The following CARMIL3 variants were observed in gnomAD, a reference collection of about 807,000 sequenced individuals.
CARMIL3 encodes the protein capping protein, Arp2/3 and myosin-I linker protein 3.
In CARMIL3, 88 loss-of-function variants were observed where a neutral mutation model predicts 180.8. The ratio of observed to expected loss-of-function variants is 0.49; its 90% CI spans 0.41 to 0.58. The LOEUF is 0.58. CARMIL3 is among the 20% of genes least tolerant of loss of function. The pLI, the probability that CARMIL3 is intolerant of heterozygous loss-of-function variation, is 0.00. For synonymous variants in CARMIL3, 696 were observed against 714.5 expected (o/e 0.97, Z 0.41); for missense variants, 1,548 against 1,787.0 (o/e 0.87, Z 2.41).
In CARMIL3 at chr14:24,063,429, G is replaced by A. The variant is rs550080771; in HGVS notation, c.2875G>A (p.Glu959Lys). The change falls in exon 31 of 40, where the codon GAA becomes AAA. Residue 959 changes from glutamate to lysine, a missense_variant. Physicochemically the swap from Glu to Lys is moderately conservative, Grantham distance 56 (BLOSUM62 1). Coordinates refer to ENST00000342740, the MANE Select transcript of CARMIL3 (RefSeq NM_138360.4). ...GSQPTASGSW[E>K]GLSELPTHGY... ...CCAGCCCACAGCTAGTGGCTCCTGG[G>A]AAGGTCTATCTGAGCTGCCCACTCA... 5.6e-5 allele frequency: 91 copies of A among 1,613,840 alleles called. No homozygotes were observed. The highest frequency in any genetic ancestry group is 7.5e-5 in the Non-Finnish European group (89 of 1,180,032).
rs780125269 is a variant in CARMIL3 at position 24,061,555 on chromosome 14, T to C, written c.2363T>C (p.Val788Ala). Residue 788 changes from valine (V) to alanine (A), a missense_variant, in exon 27 of 40, where the codon GTG (valine) becomes GCG (alanine). Val to Ala is a moderately conservative substitution (Grantham distance 64, BLOSUM62 0). This residue lies in a region of CARMIL3 where 297 missense variants were observed against 415.9 expected (regional missense o/e 0.71). Transcript: ENST00000342740. The surrounding 1 kb of genome is among the most constrained non-coding windows in gnomAD (Gnocchi z 4.1). ...TQELCPVAMR[V>A]AEGHNKMLSN... is the part of the protein sequence containing the mutation. ...GAGTTATGCCCTGTGGCCATGCGGGTGGCCGAGGGACACAACAAGATGCTG... is the reference window on the plus strand; with the variant it reads ...GAGTTATGCCCTGTGGCCATGCGGGCGGCCGAGGGACACAACAAGATGCTG... 1.9e-6 allele frequency: 3 copies of C among 1,613,750 alleles called. No individual in the cohort carries two copies. The African/African-American group carries it at 4.0e-5, about 22-fold the overall frequency.
chr14:24,057,062 CA>C, intron 13 of CARMIL3, 38 bp downstream of exon 13: 5 of 1,603,138 alleles, frequency 3.1e-6, no homozygotes, highest in Non-Finnish European at 4.3e-6. Flanking sequence ...CTGCAGAAAG[CA>C]TGCTTAAGCT....
intron 36 of CARMIL3, 73 bp from the exon 37 acceptor site, chr14:24,068,511 G>A: frequency 7.3e-7 from 1 of 1,370,866 alleles, no homozygotes; most frequent in East Asian, 2.4e-5. Context: ...GGGCTTCAGT[G>A]GAGAGAGGAG....
intron 36 of CARMIL3, among the ~76,000 whole-genome samples, chr14:24,067,558 TC>T (rs1205791573): frequency 1.2e-4 from 18 of 152,218 alleles, no homozygotes; most frequent in Non-Finnish European, 7.3e-5. Context: ...TGCCCCTCTC[TC>T]CCCTGTAGTG....
chr14:24,052,408 C>T (rs974005066), intron 1 of CARMIL3, among the ~76,000 whole-genome samples: 1 of 152,336 alleles, frequency 6.6e-6, no homozygotes, highest in South Asian at 2.1e-4. Flanking sequence ...CTTCCTGTCC[C>T]GGAGCCGCCC....
At position 24,061,581 on chromosome 14, in the gene CARMIL3, A is replaced by G; in HGVS notation, c.2389A>G (p.Ser797Gly). 2 of 1,613,956 alleles carry G rather than the reference A, an allele frequency of 1.2e-6. No individual in the cohort carries two copies. Among genetic ancestry groups the G allele is most frequent in the Non-Finnish European group, 1.7e-6 (2 of 1,179,978 alleles). ...RVAEGHNKML[S>G]NVAERVTVPR... ...GGCCGAGGGACACAACAAGATGCTG[A>G]GCAATGTGGCGGAGCGTGTCACTGT... The change falls in exon 27 of 40, where the codon AGC becomes GGC. Residue 797 changes from serine to glycine, a missense_variant. Physicochemically the swap from Ser to Gly is moderately conservative, Grantham distance 56 (BLOSUM62 0). This residue lies in a region of CARMIL3 where 297 missense variants were observed against 415.9 expected (regional missense o/e 0.71). Transcript: ENST00000342740. The surrounding 1 kb of genome is among the most constrained non-coding windows in gnomAD (Gnocchi z 4.1).
In CARMIL3 at chr14:24,054,786, A is replaced by G. The variant is rs1012224871; in HGVS notation, c.438A>G (p.Thr146=). Residue 146 remains threonine, a synonymous_variant, in exon 6 of 40, where the codon ACA becomes ACG. Coordinates refer to ENST00000342740, the MANE Select transcript of CARMIL3 (RefSeq NM_138360.4). The surrounding 1 kb of genome is among the most constrained non-coding windows in gnomAD (Gnocchi z 5.1). ...RDTSPNSETS[T]STTHSVCGGF... is the part of the protein sequence containing the mutation. ...CATCCCCCAACTCTGAGACTTCCAC[A>G]TCTACCACCCACAGTGTCTGCGGTG... 6 of 1,613,966 alleles carry G rather than the reference A, an allele frequency of 3.7e-6. No individual in the cohort carries two copies. The highest frequency in any genetic ancestry group is 1.7e-5 in the Admixed American group (1 of 60,004).
rs2035691986 is a variant in CARMIL3, at chr14:24,058,053, G to A, written c.1311G>A (p.Leu437=). 1 of 1,613,760 alleles carries A rather than the reference G, an allele frequency of 6.2e-7. No homozygotes were observed. Among genetic ancestry groups the A allele is most frequent in the South Asian group, 1.1e-5 (1 of 91,090 alleles). The change falls in exon 16 of 40, where the codon CTG becomes CTA. Residue 437 remains leucine (L), a synonymous_variant. Coordinates refer to ENST00000342740, the MANE Select transcript of CARMIL3 (RefSeq NM_138360.4). This position sits in a 1 kb window ranked among gnomAD's most constrained non-coding sequence, Gnocchi z 6.4. ...ATCTGTCGGCCACAAAGCTGCCCCT[G>A]GAGGCCCTCAGGTCGGGTGGGTGCA... ...HVNLSATKLP[L]EALRALLQGL...
At position 24,056,380 on chromosome 14, in the gene CARMIL3, C is replaced by T. The variant is rs2035672021; in HGVS notation, c.852C>T (p.Pro284=). 6.2e-7 allele frequency: 1 copy of T among 1,613,514 alleles called. No individual in the cohort carries two copies. The highest frequency in any genetic ancestry group is 8.5e-7 in the Non-Finnish European group (1 of 1,179,616). ...VLHALTLSHN[P]IEDKGFLSLS... Reference sequence around the variant, plus strand: ...ATGCCCTCACTCTGTCCCACAACCCCATCGAGGACAAGGGTGAGCCCCAGC... The same window carrying T: ...ATGCCCTCACTCTGTCCCACAACCCTATCGAGGACAAGGGTGAGCCCCAGC... Residue 284 remains proline (P), a synonymous_variant, in exon 11 of 40, where the codon CCC becomes CCT. Transcript: ENST00000342740.
chr14:24,069,578 G>T lies in CARMIL3; in HGVS notation c.*174G>T. 1.4e-6 allele frequency: 1 copy of T among 740,154 alleles called. No individual in the cohort carries two copies. The highest frequency in any genetic ancestry group is 1.9e-5 in the South Asian group (1 of 54,042). 45.8% of individuals were successfully genotyped at this position (740,154 alleles called of 1,614,324 possible). On this transcript the variant is annotated 3_prime_UTR_variant, in exon 40 of 40. Transcript: ENST00000342740. ...ACTAGAACAGAGGGAGCCACCTGGA[G>T]AGACGGAGGCTGTCAGTGCCTGCCT...
Position 24,058,597 on chromosome 14 carries a change from G to A in CARMIL3, c.1393-83G>A. On this transcript the variant is annotated intron_variant, in intron 17 of 39. Transcript: ENST00000342740. The surrounding 1 kb of genome is among the most constrained non-coding windows in gnomAD (Gnocchi z 6.4). ...GATCCTGGCATGACTTTGAGTTCTGGTGTGACTACTATATCCTAAGCATTA... is the reference window on the plus strand; with the variant it reads ...GATCCTGGCATGACTTTGAGTTCTGATGTGACTACTATATCCTAAGCATTA... The A allele has an allele frequency of 9.2e-7, 1 of 1,081,528 alleles. No homozygotes were observed. Among genetic ancestry groups the A allele is most frequent in the Non-Finnish European group, 1.4e-6 (1 of 731,522 alleles). 67.0% of individuals were successfully genotyped at this position (1,081,528 alleles called of 1,614,324 possible).
In CARMIL3 at chr14:24,054,210, T is replaced by C. The variant is rs554048627; in HGVS notation, c.187-32T>C. On this transcript the variant is annotated intron_variant, in intron 3 of 39. Coordinates refer to ENST00000342740, the MANE Select transcript of CARMIL3 (RefSeq NM_138360.4). The surrounding 1 kb of genome is among the most constrained non-coding windows in gnomAD (Gnocchi z 5.1). ...TCCCAAGCCTGGCAACCCAGGTCCT[T>C]ACCAGGAGCTGAGCATCTCCATCCC... The C allele has an allele frequency of 6.2e-7, 1 of 1,614,054 alleles. No individual in the cohort carries two copies. The highest frequency in any genetic ancestry group is 2.2e-5 in the East Asian group (1 of 44,872).
intron 33 of CARMIL3, 42 bp downstream of exon 33, chr14:24,065,315 C>T: frequency 3.4e-6 from 5 of 1,454,604 alleles, no homozygotes; most frequent in Non-Finnish European, 4.5e-6. Context: ...CTTTTCCTGC[C>T]CCACACTTAA....
At chr14:24,055,351 A>G in intron 8 of CARMIL3, 41 bp downstream of exon 8, 1 of 1,607,610 alleles carries the variant, frequency 6.2e-7, no homozygotes, top group Non-Finnish European at 8.5e-7. Flanking sequence ...AAATTCCCAA[A>G]TTCAGCCCAA....
chr14:24,057,177 G>A lies in CARMIL3; in HGVS notation c.1073G>A (p.Ser358Asn), dbSNP rs376602425. The change falls in exon 14 of 40, where the codon AGT (serine) becomes AAT (asparagine). Residue 358 changes from serine to asparagine, a missense_variant. Physicochemically the swap from Ser to Asn is conservative, Grantham distance 46. This residue lies in a region of CARMIL3 where 578 missense variants were observed against 666.5 expected (regional missense o/e 0.87). Transcript: ENST00000342740. ...TCCTTCCTACTCCAGGCCCTCTACAGTTTCCTGGCCCAACCCAACGCCCTG... is the reference window on the plus strand; with the variant it reads ...TCCTTCCTACTCCAGGCCCTCTACAATTTCCTGGCCCAACCCAACGCCCTG... ...LATDEANALY[S>N]FLAQPNALVH... 96 of 1,613,876 alleles carry A rather than the reference G, an allele frequency of 5.9e-5. 1 individual carries two copies. The highest frequency in any genetic ancestry group is 3.3e-4 in the Middle Eastern group (2 of 6,082).
In CARMIL3 at chr14:24,057,862, C is replaced by T; in HGVS notation, c.1200C>T (p.Arg400=). The change falls in exon 15 of 40, where the codon CGC becomes CGT. Residue 400 remains arginine, a synonymous_variant. Transcript: ENST00000342740. Reference sequence around the variant, plus strand: ...ACCTCACCTACCTCAACCTGGCTCGCAACAGCTGCTCCCACAGGTGGGAGA... The same window carrying T: ...ACCTCACCTACCTCAACCTGGCTCGTAACAGCTGCTCCCACAGGTGGGAGA... ...CSHLTYLNLA[R]NSCSHRKGRE... 6.2e-7 allele frequency: 1 copy of T among 1,612,826 alleles called. No homozygotes were observed. The highest frequency in any genetic ancestry group is 8.5e-7 in the Non-Finnish European group (1 of 1,179,928).
chr14:24,054,711 G>A lies in CARMIL3; in HGVS notation c.363G>A (p.Gly121=), dbSNP rs755206061. 6.2e-7 allele frequency: 1 copy of A among 1,613,486 alleles called. No individual in the cohort carries two copies. The highest frequency in any genetic ancestry group is 1.1e-5 in the South Asian group (1 of 90,992). The part of the protein sequence containing the change: ...SALSKVCPGP[G]CLIRRGNADT... ...CTGGAATGACTTGTTTCTTTTCCAG[G>A]TGTTTGATCCGGCGTGGAAACGCAG... Residue 121 remains glycine, a splice_region_variant and synonymous_variant, in exon 6 of 40, where the codon GGG becomes GGA. Transcript: ENST00000342740. This position sits in a 1 kb window ranked among gnomAD's most constrained non-coding sequence, Gnocchi z 5.1.
chr14:24,065,355 T>A, intron 33 of CARMIL3, 82 bp downstream of exon 33: 1 of 1,301,264 alleles, frequency 7.7e-7, no homozygotes, highest in South Asian at 1.6e-5. Flanking sequence ...CCAAGCTTAA[T>A]GGGAGAATGC....
chr14:24,057,913 GACATGGCCA>G, intron 15 of CARMIL3, 34 bp downstream of exon 15: 17 of 1,613,154 alleles, frequency 1.1e-5, no homozygotes, highest in Non-Finnish European at 1.4e-5. Flanking sequence ...GACAGGGCAA[GACATGGCCA>G]ACCCCCTCCC....
Sources: allele counts gnomAD v4.1 joint callset (sites outside exome capture counted in the v4.1 genomes callset), GRCh38; gene constraint gnomAD v4.1.1; regional missense constraint gnomAD v4.1.1; non-coding constraint Gnocchi (gnomAD v3.1); transcripts MANE v1.5; gene names NCBI Gene and HGNC (gene_info 2026-07-23, HGNC 2026-07-21).